ADAM10: variants seen among roughly 807,000 people sequenced by gnomAD.
ADAM10 encodes ADAM metallopeptidase domain 10, also known as disintegrin and metalloproteinase domain-containing protein 10.
ADAM10 carries 17 observed loss-of-function variants against 90.1 expected under a neutral mutation model. That is an observed-to-expected ratio of 0.19 (90% CI 0.13 to 0.28). ADAM10 has a LOEUF of 0.28. ADAM10 is among the 10% of genes least tolerant of loss of function. ADAM10 has a pLI of 1.00. For synonymous variants in ADAM10, 310 were observed against 298.6 expected (o/e 1.04, Z -0.40); for missense variants, 610 against 914.3 (o/e 0.67, Z 4.29).
chr15:58,610,165 T>G, intron 14 of ADAM10, 132 bp downstream of exon 14: 1 of 788,564 alleles, frequency 1.3e-6, no homozygotes. Context: ...ATTAGAACTT[T>G]AAAAATCTTC....
intron 4 of ADAM10, among the ~76,000 whole-genome samples, chr15:58,669,260 A>C (rs1206174978): frequency 6.6e-6 from 1 of 152,156 alleles, no homozygotes; most frequent in Non-Finnish European, 1.5e-5. Context: ...GCAATCATCC[A>C]CAGTTTATTA....
At chr15:58,651,137 T>C (rs1444231031) in intron 5 of ADAM10, among the ~76,000 whole-genome samples, 1 of 152,170 alleles carries the variant, frequency 6.6e-6, no homozygotes, top group Non-Finnish European at 1.5e-5. Flanking sequence ...TACATAGGTA[T>C]ATATATTTAT....
At chr15:58,659,358 G>GT (rs1896914769) in intron 5 of ADAM10, among the ~76,000 whole-genome samples, 2 of 152,066 alleles carry the variant, frequency 1.3e-5, no homozygotes, top group Admixed American at 6.5e-5. Flanking sequence ...TCAGCTGTAG[G>GT]TTTTTTATAA....
chr15:58,655,706 A>ATAGTG (rs1275207154), intron 5 of ADAM10, among the ~76,000 whole-genome samples: 1 of 56,900 alleles, frequency 1.8e-5, no homozygotes, highest in African/African-American at 1.5e-4. Flanking sequence ...GTATATATAT[A>ATAGTG]TATAGTATAT....
intron 2 of ADAM10, chr15:58,693,260 C>A: frequency 1.8e-6 from 1 of 561,608 alleles, no homozygotes; most frequent in South Asian, 1.7e-5. Flanking sequence ...AAAATGCACA[C>A]GGCACCAAGG....
chr15:58,634,080 G>A (rs1198686440), intron 8 of ADAM10, among the ~76,000 whole-genome samples: 1 of 152,080 alleles, frequency 6.6e-6, no homozygotes, highest in East Asian at 1.9e-4. Context: ...GGAGGCCGAG[G>A]CAGGCAGATC....
intron 10 of ADAM10, 73 bp downstream of exon 10, chr15:58,627,627 C>A: frequency 7.4e-7 from 1 of 1,355,302 alleles, no homozygotes; most frequent in South Asian, 1.2e-5. Context: ...TGTCAGTAAT[C>A]ACTATAGAAT....
At chr15:58,616,032 A>C (rs555230783) in intron 11 of ADAM10, among the ~76,000 whole-genome samples, 5 of 152,230 alleles carry the variant, frequency 3.3e-5, no homozygotes, top group African/African-American at 9.6e-5. Flanking sequence ...GAAAAGAGAC[A>C]AAAAAGATCA....
chr15:58,705,938 C>A (rs1393906208), intron 2 of ADAM10, among the ~76,000 whole-genome samples: 2 of 152,052 alleles, frequency 1.3e-5, no homozygotes, highest in Non-Finnish European at 2.9e-5. Flanking sequence ...TGTAAACTGA[C>A]CTTTATCATA....
At chr15:58,642,010 G>A (rs1185478923) in intron 7 of ADAM10, among the ~76,000 whole-genome samples, 1 of 152,108 alleles carries the variant, frequency 6.6e-6, no homozygotes, top group Non-Finnish European at 1.5e-5. Context: ...AACAATTAAC[G>A]AAAAACAATC....
chr15:58,603,876 TA>T (rs34718794), intron 14 of ADAM10, among the ~76,000 whole-genome samples: 5,065 of 72,070 alleles, frequency 0.07, 216 homozygotes, highest in African/African-American at 0.19. Context: ...GGTCCAGGGT[TA>T]AAAAAAAAAA....
At chr15:58,688,048 G>C (rs4775088) in intron 2 of ADAM10, among the ~76,000 whole-genome samples, 1 of 152,016 alleles carries the variant, frequency 6.6e-6, no homozygotes, top group African/African-American at 2.4e-5. Flanking sequence ...ACACATGCAC[G>C]TACATGTAAA....
intron 2 of ADAM10, among the ~76,000 whole-genome samples, chr15:58,696,877 C>G (rs1457610965): frequency 2.0e-5 from 3 of 152,168 alleles, no homozygotes; most frequent in Non-Finnish European, 4.4e-5. Flanking sequence ...TCCTAAGCAG[C>G]TAGAGCACAG....
chr15:58,749,175 A>C, intron 1 of ADAM10: 1 of 402,262 alleles, frequency 2.5e-6, no homozygotes, highest in Non-Finnish European at 4.3e-6. Context: ...CGCTCTCACC[A>C]GGCGACGCGG....
intron 4 of ADAM10, among the ~76,000 whole-genome samples, chr15:58,673,574 T>C (rs1271279674): frequency 2.0e-5 from 3 of 150,110 alleles, no homozygotes; most frequent in East Asian, 3.8e-4. Context: ...CATACATATA[T>C]ATAACTAATC....
In ADAM10 at chr15:58,626,473, T is replaced by C. The variant is rs574190306; in HGVS notation, c.1360+1227A>G. 6.6e-5 allele frequency among the ~76,000 whole-genome samples: 10 copies of C among 152,278 alleles called. No homozygotes were observed. In the East Asian group the frequency reaches 1.7e-3, roughly 26 times the overall value. The stretch of plus-strand genomic sequence containing the variant: ...TCAGTGTTTCCCCTAAAGAAACCTA[T>C]GGTCTTGTGAAATAGGACAAGGACA... On this transcript the variant is annotated intron_variant, in intron 10 of 15. Transcript: ENST00000260408.
chr15:58,735,432 G>T (rs1232233452), intron 1 of ADAM10, among the ~76,000 whole-genome samples: 1 of 152,134 alleles, frequency 6.6e-6, no homozygotes, highest in Non-Finnish European at 1.5e-5. Context: ...GGTATCCCTG[G>T]GGGGTTGGTT....
At position 58,640,776 on chromosome 15, in the gene ADAM10, C is replaced by T; in HGVS notation, c.1012+1G>A. 6.2e-7 allele frequency: 1 copy of T among 1,613,744 alleles called. No homozygotes were observed. The highest frequency in any genetic ancestry group is 8.5e-7 in the Non-Finnish European group (1 of 1,179,852). On this transcript the variant is annotated splice_donor_variant, in intron 8 of 15. Transcript: ENST00000260408. LOFTEE classifies it high-confidence loss of function. Reference sequence around the variant, plus strand: ...AAGACATATTTAATATGATAAACTACCTGAAGGTGCTCCAACCCAAGCCAG... The same window carrying T: ...AAGACATATTTAATATGATAAACTATCTGAAGGTGCTCCAACCCAAGCCAG...
chr15:58,679,349 T>C, intron 3 of ADAM10, 67 bp from the exon 4 acceptor site: 2 of 1,370,818 alleles, frequency 1.5e-6, no homozygotes, highest in South Asian at 1.2e-5. Flanking sequence ...CATTCATATA[T>C]ATGTATATAT....
Sources: allele counts gnomAD v4.1 joint callset (sites outside exome capture counted in the v4.1 genomes callset), GRCh38; gene constraint gnomAD v4.1.1; transcripts MANE v1.5; gene names NCBI Gene and HGNC (gene_info 2026-07-23, HGNC 2026-07-21).